Variants in ACTN1 observed in about 807,000 individuals in gnomAD.
ACTN1 encodes the protein actinin alpha 1, also known as alpha-actinin-1.
Under a neutral mutation model 119.6 loss-of-function variants are expected in ACTN1, and 30 were observed. The observed-to-expected ratio is 0.25, with a 90% CI of 0.19 to 0.34. The LOEUF (loss-of-function observed/expected upper bound fraction) is 0.34. ACTN1 is among the 10% of genes least tolerant of loss of function. The pLI, the probability that ACTN1 is intolerant of heterozygous loss-of-function variation, is 1.00. For missense variants in ACTN1, 764 were observed against 1,223.4 expected, an observed-to-expected ratio of 0.62 and a Z score of 5.60; for synonymous variants, 429 against 472.6, an observed-to-expected ratio of 0.91 and a Z score of 1.20.
intron 1 of ACTN1, among the ~76,000 whole-genome samples, chr14:68,951,306 C>A (rs2036160070): frequency 6.6e-6 from 1 of 152,304 alleles, no homozygotes; most frequent in Non-Finnish European, 1.5e-5. Context: ...GGGGCCCAGC[C>A]TTTTTACTCA....
At chr14:68,958,363 G>A (rs2036421193) in intron 1 of ACTN1, among the ~76,000 whole-genome samples, 1 of 152,148 alleles carries the variant, frequency 6.6e-6, no homozygotes, top group South Asian at 2.1e-4. Context: ...TGCCTGACAA[G>A]AGACGAGTTC....
intron 3 of ACTN1, among the ~76,000 whole-genome samples, chr14:68,913,682 G>A (rs2034129944): frequency 6.6e-6 from 1 of 152,238 alleles, no homozygotes. Flanking sequence ...GTCTGCATGG[G>A]ATGCTGAGCA....
chr14:68,883,218 G>A, intron 14 of ACTN1, 163 bp from the exon 15 acceptor site: 4 of 718,894 alleles, frequency 5.6e-6, no homozygotes, highest in Non-Finnish European at 9.1e-6. Context: ...GCCACAGGAA[G>A]GTGAAGCCAC....
chr14:68,978,952 C>A lies in ACTN1; in HGVS notation c.105G>T (p.Lys35Asn). The change falls in exon 1 of 22, where the codon AAG becomes AAT. Residue 35 changes from lysine (K) to asparagine (N), a missense_variant and splice_region_variant. This residue lies in a region of ACTN1 where 64 missense variants were observed against 80.0 expected (regional missense o/e 0.80). Transcript: ENST00000394419. ...LDPAWEKQQRKTFTAWCNSHL... is the reference protein window; with the variant it reads ...LDPAWEKQQRNTFTAWCNSHL... ...GCAGCGGGCGGGGGCGGCTGCTAAC[C>A]TTTCTCTGCTGCTTCTCCCAGGCCG... 1 of 1,564,632 alleles carries A rather than the reference C, an allele frequency of 6.4e-7. No homozygotes were observed. The highest frequency in any genetic ancestry group is 8.7e-7 in the Non-Finnish European group (1 of 1,147,290).
intron 1 of ACTN1, among the ~76,000 whole-genome samples, chr14:68,951,485 T>C (rs533201736): frequency 2.0e-5 from 3 of 152,282 alleles, no homozygotes; most frequent in African/African-American, 7.2e-5. Context: ...CCAACATAAA[T>C]GCCCAAGGAG....
At chr14:68,881,936 CTTTTTTTTTTT>C (rs781067137) in intron 16 of ACTN1, among the ~76,000 whole-genome samples, 1 of 58,394 alleles carries the variant, frequency 1.7e-5, no homozygotes, top group Non-Finnish European at 3.0e-5. Flanking sequence ...TAGGCAGCTT[CTTTTTTTTTTT>C]TTTTTTTTGA....
At chr14:68,918,023 C>G (rs1411760845) in intron 3 of ACTN1, among the ~76,000 whole-genome samples, 6 of 152,158 alleles carry the variant, frequency 3.9e-5, no homozygotes, top group Non-Finnish European at 5.9e-5. Flanking sequence ...GAGCCAAGAT[C>G]GTGCCATTGC....
Position 68,926,828 on chromosome 14 carries a change from G to GAACATCACACCAGCGAGTATCAGGGGAAA in ACTN1, c.106-1185_106-1157dup, listed in dbSNP as rs541471456. ...GCAATAAGTGGGTAGGAAGAGGGAA[G>GAACATCACACCAGCGAGTATCAGGGGAAA]AACATCACACCAGCGAGTATCAGGG... On this transcript the variant is annotated intron_variant, in intron 1 of 21. Transcript: ENST00000394419. Among the ~76,000 whole-genome samples, 61 of 152,314 alleles carry GAACATCACACCAGCGAGTATCAGGGGAAA rather than the reference G, an allele frequency of 4.0e-4. No homozygotes were observed. The South Asian group carries it at 7.3e-3, about 18-fold the overall frequency.
chr14:68,964,149 T>C (rs2036626988), intron 1 of ACTN1, among the ~76,000 whole-genome samples: 1 of 152,206 alleles, frequency 6.6e-6, no homozygotes, highest in Admixed American at 6.5e-5. Flanking sequence ...TCTCCTGGAC[T>C]GTGGGGAGAA....
intron 7 of ACTN1, 49 bp from the exon 8 acceptor site, chr14:68,902,611 T>C (rs1323955504): frequency 2.6e-6 from 4 of 1,514,558 alleles, no homozygotes; most frequent in Non-Finnish European, 3.7e-6. Flanking sequence ...AAGAACACCA[T>C]ACACCCCCGA....
chr14:68,901,406 C>T (rs982379053), intron 8 of ACTN1, among the ~76,000 whole-genome samples: 1 of 151,960 alleles, frequency 6.6e-6, no homozygotes, highest in African/African-American at 2.4e-5. Flanking sequence ...TGCTATCACA[C>T]CCGGCTAATT....
intron 1 of ACTN1, among the ~76,000 whole-genome samples, chr14:68,952,757 C>T (rs1028465496): frequency 2.0e-5 from 3 of 152,136 alleles, no homozygotes; most frequent in Admixed American, 6.5e-5. Flanking sequence ...ACTTGAAGGC[C>T]GAGCCTTAAA....
At chr14:68,902,420 G>A in intron 8 of ACTN1, 57 bp downstream of exon 8, 1 of 1,460,146 alleles carries the variant, frequency 6.8e-7, no homozygotes, top group South Asian at 1.1e-5. Context: ...GGAGGACATG[G>A]TTTGGGGTCC....
rs2031289323 is a variant in ACTN1 at position 68,879,494 on chromosome 14, C to A, written c.2281-425G>T. Reference sequence around the variant, plus strand: ...CAAGCCCCAGGGCACTGGGAAGGGGCAGCCCACTAAAACCCAGCCTGACCC... The same window carrying A: ...CAAGCCCCAGGGCACTGGGAAGGGGAAGCCCACTAAAACCCAGCCTGACCC... On this transcript the variant is annotated intron_variant, in intron 18 of 21. Transcript: ENST00000394419. This position sits in a 1 kb window ranked among gnomAD's most constrained non-coding sequence, Gnocchi z 4.9. Among the ~76,000 whole-genome samples the A allele has an allele frequency of 6.6e-6, 1 of 152,176 alleles. No homozygotes were observed. Among genetic ancestry groups the A allele is most frequent in the South Asian group, 2.1e-4 (1 of 4,838 alleles).
rs553750809 is a variant in ACTN1, at chr14:68,904,385, C to A, written c.676+270G>T. ...CACACCCCAGCACCCGCTATCCTGACTCCAAGGCAAAGACAAGAACCATCC... is the reference window on the plus strand; with the variant it reads ...CACACCCCAGCACCCGCTATCCTGAATCCAAGGCAAAGACAAGAACCATCC... On this transcript the variant is annotated intron_variant, in intron 7 of 21. Transcript: ENST00000394419. Among the ~76,000 whole-genome samples the A allele has an allele frequency of 1.5e-3, 229 of 152,332 alleles. 1 individual carries two copies. The highest frequency in any genetic ancestry group is 2.6e-3 in the Non-Finnish European group (177 of 68,034).
At chr14:68,920,301 T>C (rs977311983) in intron 3 of ACTN1, among the ~76,000 whole-genome samples, 1 of 152,192 alleles carries the variant, frequency 6.6e-6, no homozygotes, top group African/African-American at 2.4e-5. Context: ...TCGTTCATCT[T>C]TAGGTCTCTG....
chr14:68,971,924 C>T (rs1194906702), intron 1 of ACTN1, among the ~76,000 whole-genome samples: 9 of 152,192 alleles, frequency 5.9e-5, no homozygotes, highest in Non-Finnish European at 1.2e-4. Context: ...CCTTTCCCCA[C>T]GATTGCTAGG....
At chr14:68,956,308 T>C (rs574217419) in intron 1 of ACTN1, among the ~76,000 whole-genome samples, 16 of 152,192 alleles carry the variant, frequency 1.1e-4, no homozygotes, top group South Asian at 2.1e-4. Flanking sequence ...TCCATTTTCA[T>C]AAAAAGTGAA....
intron 1 of ACTN1, among the ~76,000 whole-genome samples, chr14:68,938,190 C>T (rs2035613866): frequency 6.6e-6 from 1 of 152,336 alleles, no homozygotes; most frequent in Middle Eastern, 3.4e-3. Context: ...GCAGAGTCTT[C>T]GGGAACATCT....
Sources: allele counts gnomAD v4.1 joint callset (sites outside exome capture counted in the v4.1 genomes callset), GRCh38; gene constraint gnomAD v4.1.1; regional missense constraint gnomAD v4.1.1; non-coding constraint Gnocchi (gnomAD v3.1); transcripts MANE v1.5; gene names NCBI Gene and HGNC (gene_info 2026-07-23, HGNC 2026-07-21).